Variants in METTL16 observed in about 807,000 individuals in gnomAD.
METTL16 encodes the protein RNA N(6)-adenosine-methyltransferase METTL16.
METTL16 carries 19 observed loss-of-function variants against 57.9 expected under a neutral mutation model. The ratio of observed to expected loss-of-function variants is 0.33; its 90% CI spans 0.23 to 0.48. The LOEUF is 0.48. Ranked by LOEUF, METTL16 falls within the 20% of genes least tolerant of loss-of-function variation. The probability of loss-of-function intolerance (pLI) is 0.99; values close to 1 mark genes in which losing one functional copy is unlikely to be tolerated. For missense variants in METTL16, 434 were observed against 691.5 expected, an observed-to-expected ratio of 0.63 and a Z score of 4.18; for synonymous variants, 246 against 255.6, an observed-to-expected ratio of 0.96 and a Z score of 0.36.
At chr17:2,444,559 T>C (rs370856523) in intron 6 of METTL16, among the ~76,000 whole-genome samples, 22 of 152,166 alleles carry the variant, frequency 1.4e-4, no homozygotes, top group African/African-American at 5.3e-4. Flanking sequence ...AAAAATAAAG[T>C]GTAGCTTAAG....
chr17:2,437,071 G>A (rs560778143), intron 8 of METTL16, among the ~76,000 whole-genome samples: 110 of 152,006 alleles, frequency 7.2e-4, no homozygotes, highest in African/African-American at 2.4e-3. Flanking sequence ...TTGTAGAGAC[G>A]GGGTTTCACC....
chr17:2,491,985 A>G (rs962222947), intron 2 of METTL16, among the ~76,000 whole-genome samples: 2 of 147,842 alleles, frequency 1.4e-5, no homozygotes, highest in Non-Finnish European at 3.0e-5. Flanking sequence ...GCCAAGGCTG[A>G]CGGATCACGA....
intron 1 of METTL16, among the ~76,000 whole-genome samples, chr17:2,506,782 G>A (rs1442342524): frequency 2.0e-5 from 3 of 150,572 alleles, no homozygotes; most frequent in Non-Finnish European, 3.0e-5. Flanking sequence ...CTGCCTGGCT[G>A]CCCAGTCTGG....
At chr17:2,471,229 C>T (rs374554459) in intron 4 of METTL16, among the ~76,000 whole-genome samples, 10 of 152,244 alleles carry the variant, frequency 6.6e-5, no homozygotes, top group Admixed American at 2.0e-4. Context: ...TGGGGTGCAG[C>T]GTCGCAATCT....
At chr17:2,447,803 GGGGGGGTC>G (rs2067019827) in intron 6 of METTL16, among the ~76,000 whole-genome samples, 2 of 108,578 alleles carry the variant, frequency 1.8e-5, no homozygotes, top group African/African-American at 8.7e-5. Flanking sequence ...GGAGGGAGGT[GGGGGGGTC>G]AGCCCCCCGC....
At chr17:2,479,816 C>T (rs895029124) in intron 2 of METTL16, among the ~76,000 whole-genome samples, 1 of 152,118 alleles carries the variant, frequency 6.6e-6, no homozygotes, top group Non-Finnish European at 1.5e-5. Context: ...GATCTGGACT[C>T]CACTTTTGGC....
At chr17:2,491,846 G>A (rs1274124056) in intron 2 of METTL16, among the ~76,000 whole-genome samples, 7 of 133,538 alleles carry the variant, frequency 5.2e-5, no homozygotes, top group Admixed American at 8.0e-5. Flanking sequence ...CTGCACTCCA[G>A]CCTGGGCGAC....
rs928314951 is a variant in METTL16 at position 2,418,509 on chromosome 17, G to A, written c.*1461C>T. ...GGAGGCTGAGGCAGGAGAATCGCTTGAACCCGGGAGGCGGGGGTTGCAGTG... is the reference window on the plus strand; with the variant it reads ...GGAGGCTGAGGCAGGAGAATCGCTTAAACCCGGGAGGCGGGGGTTGCAGTG... On this transcript the variant is annotated 3_prime_UTR_variant, in exon 10 of 10. Transcript: ENST00000263092. 1 of 152,406 alleles carries A rather than the reference G, an allele frequency of 6.6e-6. No homozygotes were observed. The highest frequency in any genetic ancestry group is 1.5e-5 in the Non-Finnish European group (1 of 68,182). 9.4% of individuals were successfully genotyped at this position (152,406 alleles called of 1,614,324 possible).
chr17:2,461,245 T>G (rs1203839558), intron 6 of METTL16, among the ~76,000 whole-genome samples: 1 of 151,964 alleles, frequency 6.6e-6, no homozygotes, highest in African/African-American at 2.4e-5. Flanking sequence ...TAGTCCCAAC[T>G]ACTCAGGAAG....
At chr17:2,510,535 A>C (rs555315468) in intron 1 of METTL16, among the ~76,000 whole-genome samples, 2 of 152,362 alleles carry the variant, frequency 1.3e-5, no homozygotes, top group East Asian at 3.9e-4. Context: ...ACATTATTCA[A>C]CTTTTCTGGT....
intron 1 of METTL16, among the ~76,000 whole-genome samples, chr17:2,506,128 C>T (rs1283991016): frequency 2.6e-5 from 4 of 151,904 alleles, no homozygotes; most frequent in African/African-American, 7.3e-5. Context: ...ACGTTTTTTC[C>T]TCCCTCTCTT....
At chr17:2,489,741 A>AAAAAAAAAAC (rs2067371644) in intron 2 of METTL16, among the ~76,000 whole-genome samples, 1 of 150,128 alleles carries the variant, frequency 6.7e-6, no homozygotes, top group Non-Finnish European at 1.5e-5. Flanking sequence ...TCAAAAAAAA[A>AAAAAAAAAAC]AAAAAAAACG....
intron 8 of METTL16, among the ~76,000 whole-genome samples, chr17:2,431,642 C>G (rs773034144): frequency 1.3e-5 from 2 of 151,998 alleles, no homozygotes; most frequent in African/African-American, 4.8e-5. Context: ...GATGGTCTAT[C>G]CAGTATGCCA....
intron 2 of METTL16, among the ~76,000 whole-genome samples, chr17:2,483,945 C>G (rs2067324526): frequency 6.6e-6 from 1 of 152,128 alleles, no homozygotes; most frequent in Non-Finnish European, 1.5e-5. Flanking sequence ...GTCTTTAACT[C>G]GAGAATGGTA....
intron 8 of METTL16, among the ~76,000 whole-genome samples, chr17:2,432,856 C>A (rs910482008): frequency 6.6e-6 from 1 of 152,194 alleles, no homozygotes; most frequent in Non-Finnish European, 1.5e-5. Context: ...ATCCTCAAAA[C>A]AACCCTATGT....
At chr17:2,486,347 T>C (rs1167825838) in intron 2 of METTL16, among the ~76,000 whole-genome samples, 1 of 151,686 alleles carries the variant, frequency 6.6e-6, no homozygotes, top group South Asian at 2.1e-4. Context: ...TCTCGGCTCA[T>C]TGCAACTTAC....
intron 2 of METTL16, 49 bp downstream of exon 2, chr17:2,502,155 T>A: frequency 6.3e-7 from 1 of 1,588,630 alleles, no homozygotes. Context: ...TTACATCATA[T>A]CCATTTGAAT....
intron 8 of METTL16, among the ~76,000 whole-genome samples, chr17:2,436,212 T>C (rs537812662): frequency 6.6e-6 from 1 of 152,046 alleles, no homozygotes; most frequent in Non-Finnish European, 1.5e-5. Flanking sequence ...TTCTAGAAAA[T>C]GACAGAAAGG....
chr17:2,461,785 G>C (rs958968203), intron 6 of METTL16, among the ~76,000 whole-genome samples: 3 of 152,054 alleles, frequency 2.0e-5, no homozygotes, highest in Non-Finnish European at 2.9e-5. Context: ...CACCATGTTG[G>C]TGAGGCTGGT....
Sources: gnomAD v4.1 joint callset for allele counts (sites outside exome capture counted in the v4.1 genomes callset) on GRCh38, gnomAD v4.1.1 for gene constraint, MANE v1.5 for transcripts, NCBI Gene and HGNC (gene_info 2026-07-23, HGNC 2026-07-21) for gene names.